Variants in USP6NL observed in about 807,000 individuals in gnomAD.
USP6NL encodes USP6 N-terminal like.
USP6NL carries 26 observed loss-of-function variants against 61.9 expected under a neutral mutation model. That is an observed-to-expected ratio of 0.42 (90% confidence interval 0.31 to 0.58). The LOEUF (loss-of-function observed/expected upper bound fraction) is 0.58. USP6NL is among the 20% of genes least tolerant of loss of function. The probability of loss-of-function intolerance (pLI) is 0.16; values close to 1 mark genes in which losing one functional copy is unlikely to be tolerated. For synonymous variants in USP6NL, 432 were observed against 390.1 expected (o/e 1.11, Z -1.27); for missense variants, 1,114 against 1,034.3 (o/e 1.08, Z -1.06).
chr10:11,608,820 T>C (rs958218578), intron 1 of USP6NL, among the ~76,000 whole-genome samples: 6 of 152,230 alleles, frequency 3.9e-5, no homozygotes, highest in Non-Finnish European at 7.3e-5. Flanking sequence ...ATTGAGTCAT[T>C]TGCATGAGGT....
In USP6NL at chr10:11,481,870, G is replaced by A. The variant is rs944076232; in HGVS notation, c.978C>T (p.Thr326=). The change falls in exon 14 of 15, where the codon ACC becomes ACT. Residue 326 remains threonine (T), a synonymous_variant. Coordinates refer to ENST00000609104, the MANE Select transcript of USP6NL (RefSeq NM_014688.5). This position sits in a 1 kb window ranked among gnomAD's most constrained non-coding sequence, Gnocchi z 4.4. ...MEELVEFFQE[T]LAKDFFFEDD... ...CTTCAAAGAAAAAATCCTTTGCCAG[G>A]GTCTCCTGAAAAAATTCTACAAGTT... 3.1e-6 allele frequency: 5 copies of A among 1,611,996 alleles called. No homozygotes were observed. The highest frequency in any genetic ancestry group is 4.2e-6 in the Non-Finnish European group (5 of 1,179,042).
At chr10:11,502,872 T>C (rs549016231) in intron 6 of USP6NL, among the ~76,000 whole-genome samples, 3 of 152,326 alleles carry the variant, frequency 2.0e-5, no homozygotes, top group African/African-American at 7.2e-5. Context: ...ACTACAGTCA[T>C]AGAAATTTTA....
intron 2 of USP6NL, chr10:11,564,074 C>T (rs955001981): frequency 2.6e-5 from 4 of 152,150 alleles, no homozygotes; most frequent in African/African-American, 9.7e-5. Flanking sequence ...TAACTGCCAT[C>T]GTGAATCTAG....
In USP6NL at chr10:11,597,694, A is replaced by G. The variant is rs965807948; in HGVS notation, c.-60T>C. The G allele has an allele frequency of 2.8e-5, 40 of 1,443,816 alleles. 1 individual carries two copies. The East Asian group carries it at 8.7e-4, about 31-fold the overall frequency. 89.4% of individuals were successfully genotyped at this position (1,443,816 alleles called of 1,614,324 possible). ...ATATTAAACCAAAATCTGCTGTCCA[A>G]GGTTTCTCAGAGGAATACATGTCCT... On this transcript the variant is annotated 5_prime_UTR_variant, in exon 2 of 15. Coordinates refer to ENST00000609104, the MANE Select transcript of USP6NL (RefSeq NM_014688.5). The surrounding 1 kb of genome is among the most constrained non-coding windows in gnomAD (Gnocchi z 4.6).
At chr10:11,559,536 T>C (rs1836843659) in intron 2 of USP6NL, among the ~76,000 whole-genome samples, 1 of 152,012 alleles carries the variant, frequency 6.6e-6, no homozygotes, top group African/African-American at 2.4e-5. Context: ...TCGACCTTTA[T>C]TATTGAAATT....
At chr10:11,531,307 T>G (rs1835646347) in intron 2 of USP6NL, among the ~76,000 whole-genome samples, 1 of 152,038 alleles carries the variant, frequency 6.6e-6, no homozygotes, top group Non-Finnish European at 1.5e-5. Context: ...AATATGTAGA[T>G]CAACTACTTT....
intron 2 of USP6NL, among the ~76,000 whole-genome samples, chr10:11,569,886 G>A (rs1283692488): frequency 6.6e-6 from 1 of 152,208 alleles, no homozygotes; most frequent in African/African-American, 2.4e-5. Context: ...ATCACCCTAA[G>A]AGAATTTCCA....
chr10:11,508,323 T>C (rs923250807), intron 6 of USP6NL, among the ~76,000 whole-genome samples: 6 of 152,240 alleles, frequency 3.9e-5, no homozygotes, highest in African/African-American at 1.2e-4. Flanking sequence ...AATGGGACAC[T>C]ATTATCTCCA....
chr10:11,599,816 C>T (rs976166198), intron 1 of USP6NL, among the ~76,000 whole-genome samples: 8 of 151,180 alleles, frequency 5.3e-5, no homozygotes, highest in East Asian at 1.9e-4. Flanking sequence ...CCTGCCACCA[C>T]GCCCGGCTAA....
Position 11,462,774 on chromosome 10 carries a change from C to T in USP6NL, c.2154G>A (p.Lys718=). 1.2e-6 allele frequency: 2 copies of T among 1,614,026 alleles called. No individual in the cohort carries two copies. The highest frequency in any genetic ancestry group is 1.7e-6 in the Non-Finnish European group (2 of 1,179,890). The change falls in exon 15 of 15, where the codon AAG becomes AAA. Residue 718 remains lysine (K), a synonymous_variant. Coordinates refer to ENST00000609104, the MANE Select transcript of USP6NL (RefSeq NM_014688.5). ...GGYSGNSGSP[K]NGKLIIPPVD... Reference sequence around the variant, plus strand: ...CTGGTGGAATGATCAATTTTCCATTCTTTGGTGACCCTGAATTGCCCGAAT... The same window carrying T: ...CTGGTGGAATGATCAATTTTCCATTTTTTGGTGACCCTGAATTGCCCGAAT...
intron 14 of USP6NL, among the ~76,000 whole-genome samples, chr10:11,480,053 TGC>T (rs1833134253): frequency 6.6e-6 from 1 of 152,232 alleles, no homozygotes; most frequent in Non-Finnish European, 1.5e-5. Flanking sequence ...CTACCTTCAC[TGC>T]CAGTATGATC....
At chr10:11,506,149 A>G (rs1185101551) in intron 6 of USP6NL, among the ~76,000 whole-genome samples, 1 of 152,156 alleles carries the variant, frequency 6.6e-6, no homozygotes, top group Non-Finnish European at 1.5e-5. Flanking sequence ...TCTAGGCAAT[A>G]TGCCTCCATT....
At chr10:11,570,005 T>C (rs890734007) in intron 2 of USP6NL, among the ~76,000 whole-genome samples, 1 of 152,228 alleles carries the variant, frequency 6.6e-6, no homozygotes, top group African/African-American at 2.4e-5. Flanking sequence ...CTTATCTTCA[T>C]GACTCCTCCT....
chr10:11,609,932 T>G (rs1270911772), intron 1 of USP6NL, among the ~76,000 whole-genome samples: 4 of 152,196 alleles, frequency 2.6e-5, no homozygotes, highest in African/African-American at 7.2e-5. Flanking sequence ...GGACTAGTCT[T>G]ACCAGAAACA....
chr10:11,528,347 G>A lies in USP6NL; in HGVS notation c.5-780C>T, dbSNP rs1406676626. 1.3e-5 allele frequency among the ~76,000 whole-genome samples: 2 copies of A among 151,498 alleles called. No homozygotes were observed. The highest frequency in any genetic ancestry group is 1.5e-5 in the Non-Finnish European group (1 of 67,928). On this transcript the variant is annotated intron_variant, in intron 2 of 14. Coordinates refer to ENST00000609104, the MANE Select transcript of USP6NL (RefSeq NM_014688.5). The surrounding 1 kb of genome is among the most constrained non-coding windows in gnomAD (Gnocchi z 4.6). ...TAAGAGAAAACTAGGCAAAGGTTAT[G>A]AGCAAGAAATTCCTAAAAGTAGCAA...
intron 14 of USP6NL, among the ~76,000 whole-genome samples, chr10:11,475,346 G>A (rs1355917776): frequency 6.6e-6 from 1 of 150,616 alleles, no homozygotes; most frequent in African/African-American, 2.4e-5. Flanking sequence ...GGTGGCTCAC[G>A]CCTGTAATCC....
chr10:11,514,291 A>C (rs5027321), intron 5 of USP6NL, among the ~76,000 whole-genome samples: 29 of 130,698 alleles, frequency 2.2e-4, no homozygotes, highest in Non-Finnish European at 4.1e-4. Flanking sequence ...CTCATCATCC[A>C]CTGATGATCC....
chr10:11,483,992 T>C (rs979694215), intron 13 of USP6NL, among the ~76,000 whole-genome samples: 42 of 152,144 alleles, frequency 2.8e-4, no homozygotes, highest in Non-Finnish European at 2.4e-4. Flanking sequence ...CAACCAATCT[T>C]ATAGTAAAGT....
intron 2 of USP6NL, among the ~76,000 whole-genome samples, chr10:11,538,215 A>G (rs953925663): frequency 8.5e-5 from 13 of 152,240 alleles, no homozygotes; most frequent in Non-Finnish European, 1.8e-4. Context: ...ACAAATGCTG[A>G]CAAGATTTTA....
Sources: allele counts gnomAD v4.1 joint callset (sites outside exome capture counted in the v4.1 genomes callset), GRCh38; gene constraint gnomAD v4.1.1; non-coding constraint Gnocchi (gnomAD v3.1); transcripts MANE v1.5; gene names NCBI Gene and HGNC (gene_info 2026-07-23, HGNC 2026-07-21).